CPAMD8: variants seen among roughly 807,000 people sequenced by gnomAD.
CPAMD8 encodes C3 and PZP-like alpha-2-macroglobulin domain-containing protein 8.
Under a neutral mutation model 224.7 loss-of-function variants are expected in CPAMD8, and 146 were observed. The ratio of observed to expected loss-of-function variants is 0.65; its 90% CI spans 0.57 to 0.75. CPAMD8 has a LOEUF of 0.75. Ranked by LOEUF, CPAMD8 falls within the 30% of genes least tolerant of loss-of-function variation. The pLI is 0.00. For missense variants in CPAMD8, 2,301 were observed against 2,537.5 expected, an observed-to-expected ratio of 0.91 and a Z score of 2.00; for synonymous variants, 966 against 1,044.6, an observed-to-expected ratio of 0.92 and a Z score of 1.45.
chr19:16,896,006 T>G, intron 41 of CPAMD8, 170 bp downstream of exon 41: 1 of 774,174 alleles, frequency 1.3e-6, no homozygotes, highest in Non-Finnish European at 2.2e-6. Context: ...AATGTCCCAC[T>G]TTGTCCCCAG....
Position 16,952,014 on chromosome 19 carries a change from G to C in CPAMD8, c.2463C>G (p.Val821=), listed in dbSNP as rs1262568253. The C allele has an allele frequency of 6.3e-7, 1 of 1,583,822 alleles. No individual in the cohort carries two copies. The highest frequency in any genetic ancestry group is 8.6e-7 in the Non-Finnish European group (1 of 1,163,720). Residue 821 remains valine, a synonymous_variant, in exon 20 of 42, where the codon GTC becomes GTG. Coordinates refer to ENST00000443236, the MANE Select transcript of CPAMD8 (RefSeq NM_015692.5). ...AGTTGTAGACACTGAGCGGGATCTT[G>C]ACCTGCTCCCCACGGATGATGAGAG... The part of the protein sequence containing the change: ...LPALIIRGEQ[V]KIPLSVYNYM...
rs780041407 is a variant in CPAMD8, at chr19:16,899,413, G to A, written c.4848+62C>T. The stretch of plus-strand genomic sequence containing the variant: ...CAGGGAGCCACACCAGGCAGTGACC[G>A]GTGCACCCTCACCAACATGCACACC... On this transcript the variant is annotated intron_variant, in intron 37 of 41. Coordinates refer to ENST00000443236, the MANE Select transcript of CPAMD8 (RefSeq NM_015692.5). The surrounding 1 kb of genome is among the most constrained non-coding windows in gnomAD (Gnocchi z 5.4). 20 of 804,252 alleles carry A rather than the reference G, an allele frequency of 2.5e-5. No homozygotes were observed. Among genetic ancestry groups the A allele is most frequent in the Admixed American group, 1.5e-4 (9 of 58,164 alleles). The allele number at this position is 804,252 out of a possible 1,614,324, so 49.8% of individuals were successfully genotyped here.
chr19:16,985,669 G>A (rs2055694789), intron 13 of CPAMD8, among the ~76,000 whole-genome samples: 1 of 149,760 alleles, frequency 6.7e-6, no homozygotes, highest in Non-Finnish European at 1.5e-5. Context: ...ATAGATAGAT[G>A]GAGGATGGAT....
At chr19:17,022,574 C>T (rs1386576762) in intron 1 of CPAMD8, among the ~76,000 whole-genome samples, 1 of 151,692 alleles carries the variant, frequency 6.6e-6, no homozygotes, top group Non-Finnish European at 1.5e-5. Flanking sequence ...TCTCGGCTCA[C>T]TACAACCTCC....
chr19:16,914,610 T>G (rs371920193), intron 28 of CPAMD8, 47 bp downstream of exon 28: 10 of 1,613,340 alleles, frequency 6.2e-6, no homozygotes, highest in Non-Finnish European at 7.6e-6. Context: ...GCTGGGGCTC[T>G]GGGAGGAGGT....
At chr19:16,977,620 A>G in intron 14 of CPAMD8, 80 bp from the exon 15 acceptor site, 2 of 1,132,362 alleles carry the variant, frequency 1.8e-6, no homozygotes, top group South Asian at 3.1e-5. Context: ...CTCTGCCCCA[A>G]TTTGCCCTGC....
intron 13 of CPAMD8, 30 bp downstream of exon 13, chr19:16,989,613 C>T: frequency 1.2e-6 from 2 of 1,609,656 alleles, no homozygotes; most frequent in Non-Finnish European, 1.7e-6. Flanking sequence ...TCCCGCATGG[C>T]CCAGGAAGGG....
In CPAMD8 at chr19:16,986,101, G is replaced by A. The variant is rs955082062; in HGVS notation, c.1395+3542C>T. On this transcript the variant is annotated intron_variant, in intron 13 of 41. Coordinates refer to ENST00000443236, the MANE Select transcript of CPAMD8 (RefSeq NM_015692.5). ...ACAACCTTAAAAGATTGGAGTGAGC[G>A]CCCCCATTCACCAAGCAAAACAGGT... is the stretch of plus-strand genomic sequence containing the variant. Among the ~76,000 whole-genome samples, 7 of 152,008 alleles carry A rather than the reference G, an allele frequency of 4.6e-5. No homozygotes were observed. The East Asian group carries it at 7.7e-4, about 17-fold the overall frequency.
chr19:16,893,241 G>A lies in CPAMD8; in HGVS notation c.5525C>T (p.Pro1842Leu), dbSNP rs1273263312. 3 of 1,577,394 alleles carry A rather than the reference G, an allele frequency of 1.9e-6. No homozygotes were observed. The highest frequency in any genetic ancestry group is 2.6e-6 in the Non-Finnish European group (3 of 1,160,464). ...CACCACCCGGCCACTATGTCTCTGA[G>A]GGGCCGGAGTCTGGCCCCATCTGTG... ...PFHRWGQTPA[P>L]QRHSGRVVGA... Residue 1842 changes from proline (P) to leucine (L), a missense_variant, in exon 42 of 42, where the codon CCT (proline) becomes CTT (leucine). By Grantham distance (98) the Pro-to-Leu change is moderately conservative (BLOSUM62 -3). Around this residue, in one of 4 missense-constraint regions of CPAMD8, gnomAD observed 1,709 missense variants for 1,753.2 expected, o/e 0.97. Coordinates refer to ENST00000443236, the MANE Select transcript of CPAMD8 (RefSeq NM_015692.5).
At chr19:17,002,824 G>A (rs12978009) in intron 8 of CPAMD8, among the ~76,000 whole-genome samples, 50,893 of 151,880 alleles carry the variant, frequency 0.34, 8,904 homozygotes, top group African/African-American at 0.45. Flanking sequence ...TGGAGCAGCC[G>A]GTAAACCAGA....
chr19:16,997,900 G>A (rs931299264), intron 10 of CPAMD8, among the ~76,000 whole-genome samples: 3 of 152,048 alleles, frequency 2.0e-5, no homozygotes, highest in Non-Finnish European at 2.9e-5. Context: ...CAACAGAGGG[G>A]GCAGCTGAAC....
At chr19:17,012,305 C>T (rs1395176619) in intron 3 of CPAMD8, among the ~76,000 whole-genome samples, 1 of 151,240 alleles carries the variant, frequency 6.6e-6, no homozygotes, top group Non-Finnish European at 1.5e-5. Context: ...AGGCGTGAGC[C>T]ATTGCACCCG....
intron 22 of CPAMD8, among the ~76,000 whole-genome samples, chr19:16,941,006 C>T (rs1278388059): frequency 1.3e-5 from 2 of 152,240 alleles, no homozygotes; most frequent in Non-Finnish European, 2.9e-5. Flanking sequence ...TCTCAGCTCA[C>T]TGCAACCTCT....
At chr19:17,012,936 CT>C (rs1206543507) in intron 3 of CPAMD8, among the ~76,000 whole-genome samples, 1 of 152,112 alleles carries the variant, frequency 6.6e-6, no homozygotes. Context: ...AATCCCAGCA[CT>C]TTGGGGAGGC....
intron 14 of CPAMD8, among the ~76,000 whole-genome samples, chr19:16,979,478 C>T (rs2055423946): frequency 2.6e-5 from 4 of 151,556 alleles, no homozygotes; most frequent in African/African-American, 9.7e-5. Context: ...ATTCATCCAT[C>T]CATCCATCCT....
intron 18 of CPAMD8, among the ~76,000 whole-genome samples, chr19:16,962,393 A>T (rs1380163860): frequency 6.6e-6 from 1 of 152,232 alleles, no homozygotes; most frequent in Non-Finnish European, 1.5e-5. Flanking sequence ...TTTGTGACGC[A>T]GGCACAAGTT....
At position 16,957,745 on chromosome 19, in the gene CPAMD8, T is replaced by C; in HGVS notation, c.2276+108A>G. 3.0e-6 allele frequency: 3 copies of C among 989,808 alleles called. No individual in the cohort carries two copies. The South Asian group carries it at 4.2e-5, about 14-fold the overall frequency. 61.3% of individuals were successfully genotyped at this position (989,808 alleles called of 1,614,324 possible). A position where few individuals can be genotyped will look rare whatever the true frequency, so the allele number is the denominator to read the frequency against. On this transcript the variant is annotated intron_variant, in intron 19 of 41. Coordinates refer to ENST00000443236, the MANE Select transcript of CPAMD8 (RefSeq NM_015692.5). ...TAGAAAAAGATGCACAGTGTCTTGC[T>C]CAGATGTTGGTATCAGGCCTGCCCA... is the stretch of plus-strand genomic sequence containing the variant.
chr19:16,930,255 C>CA (rs369698394), intron 23 of CPAMD8, among the ~76,000 whole-genome samples: 3,749 of 126,500 alleles, frequency 0.03, 153 homozygotes, highest in African/African-American at 0.1. Flanking sequence ...AACTCCATCT[C>CA]AAAAAAAAAA....
chr19:16,957,755 G>T, intron 19 of CPAMD8, 98 bp downstream of exon 19: 2 of 1,076,060 alleles, frequency 1.9e-6, no homozygotes, highest in Non-Finnish European at 2.8e-6. Flanking sequence ...TCAGATGTTG[G>T]TATCAGGCCT....
Sources: gnomAD v4.1 joint callset for allele counts (sites outside exome capture counted in the v4.1 genomes callset) on GRCh38, gnomAD v4.1.1 for gene constraint, gnomAD v4.1.1 regional missense constraint, Gnocchi (gnomAD v3.1) non-coding constraint, MANE v1.5 for transcripts, NCBI Gene and HGNC (gene_info 2026-07-23, HGNC 2026-07-21) for gene names.